Variants in ZNF407 observed in about 807,000 individuals in gnomAD.
ZNF407 encodes the protein zinc finger protein 407.
ZNF407 carries 17 observed loss-of-function variants against 131.2 expected under a neutral mutation model. The observed-to-expected ratio is 0.13, with a 90% CI of 0.09 to 0.19. The LOEUF (loss-of-function observed/expected upper bound fraction) is 0.19. Ranked by LOEUF, ZNF407 falls within the 10% of genes least tolerant of loss-of-function variation. ZNF407 has a pLI of 1.00. For synonymous variants in ZNF407, 1,156 were observed against 1,062.0 expected (o/e 1.09, Z -1.72); for missense variants, 2,681 against 2,830.6 (o/e 0.95, Z 1.20).
intron 3 of ZNF407, among the ~76,000 whole-genome samples, chr18:74,641,937 A>G (rs1257646821): frequency 1.3e-5 from 2 of 152,134 alleles, no homozygotes; most frequent in Admixed American, 6.6e-5. Context: ...TTCATGTGAA[A>G]CCTGAGAAAC....
chr18:74,795,381 C>T (rs957812191), intron 4 of ZNF407, among the ~76,000 whole-genome samples: 1 of 152,164 alleles, frequency 6.6e-6, no homozygotes, highest in Admixed American at 6.5e-5. Context: ...TTCATTTTAA[C>T]TCTACTACAT....
chr18:75,057,595 G>A (rs569418091), intron 8 of ZNF407, among the ~76,000 whole-genome samples: 5 of 152,300 alleles, frequency 3.3e-5, no homozygotes, highest in African/African-American at 1.2e-4. Flanking sequence ...AGGAGCCCAA[G>A]CCTGTGTCCT....
intron 8 of ZNF407, among the ~76,000 whole-genome samples, chr18:75,027,763 G>A (rs1448512129): frequency 6.6e-6 from 1 of 152,196 alleles, no homozygotes; most frequent in Admixed American, 6.5e-5. Flanking sequence ...CAGCACAGGA[G>A]TACGAGAAGG....
intron 4 of ZNF407, among the ~76,000 whole-genome samples, chr18:74,812,327 T>A (rs1451792735): frequency 6.6e-6 from 1 of 152,232 alleles, no homozygotes; most frequent in Non-Finnish European, 1.5e-5. Context: ...ACAAACTACT[T>A]AGCAAATTGC....
Position 74,597,919 on chromosome 18 carries a change from C to A in ZNF407, c.-72C>A, listed in dbSNP as rs1982361163. On this transcript the variant is annotated 5_prime_UTR_variant, in exon 1 of 9. Transcript: ENST00000299687. ...AGTCAGTCAGAGGGGCGAGCAGGAGCGATTCCGTCGCCAAACAGGTAAGTT... is the reference window on the plus strand; with the variant it reads ...AGTCAGTCAGAGGGGCGAGCAGGAGAGATTCCGTCGCCAAACAGGTAAGTT... 2 of 152,566 alleles carry A rather than the reference C, an allele frequency of 1.3e-5. No individual in the cohort carries two copies. Among genetic ancestry groups the A allele is most frequent in the African/African-American group, 4.8e-5 (2 of 41,488 alleles). The allele number at this position is 152,566 out of a possible 1,614,324, so 9.5% of individuals were successfully genotyped here. A position where few individuals can be genotyped will look rare whatever the true frequency, so the allele number is the denominator to read the frequency against.
At chr18:74,878,796 G>A (rs1264507924) in intron 5 of ZNF407, among the ~76,000 whole-genome samples, 2 of 147,654 alleles carry the variant, frequency 1.4e-5, no homozygotes, top group African/African-American at 2.5e-5. Flanking sequence ...CTAAATTCAA[G>A]AAATTTTACA....
intron 8 of ZNF407, among the ~76,000 whole-genome samples, chr18:74,986,845 T>G (rs1972658396): frequency 6.6e-6 from 1 of 152,236 alleles, no homozygotes; most frequent in African/African-American, 2.4e-5. Context: ...TATTCTTCTA[T>G]TTTTTCTCTT....
intron 4 of ZNF407, among the ~76,000 whole-genome samples, chr18:74,851,373 T>A (rs556764185): frequency 1.2e-4 from 19 of 152,238 alleles, no homozygotes; most frequent in Non-Finnish European, 2.6e-4. Flanking sequence ...CAGTATTCCC[T>A]GATATAAAAC....
chr18:74,779,628 A>G (rs1423176395), intron 3 of ZNF407, among the ~76,000 whole-genome samples: 1 of 152,080 alleles, frequency 6.6e-6, no homozygotes, highest in Non-Finnish European at 1.5e-5. Context: ...ATTCAGCACT[A>G]GAGACACTCA....
intron 1 of ZNF407, among the ~76,000 whole-genome samples, chr18:74,600,937 G>T (rs148908420): frequency 2.0e-5 from 3 of 152,188 alleles, no homozygotes; most frequent in Admixed American, 6.5e-5. Flanking sequence ...ATGGTGTAAG[G>T]CTAGGGGACA....
At chr18:74,617,185 CAT>C (rs1983351991) in intron 1 of ZNF407, among the ~76,000 whole-genome samples, 3 of 149,648 alleles carry the variant, frequency 2.0e-5, no homozygotes, top group East Asian at 2.0e-4. Flanking sequence ...TATCCACACA[CAT>C]CGACACACTT....
At chr18:74,702,633 A>G (rs990036880) in intron 3 of ZNF407, among the ~76,000 whole-genome samples, 3 of 152,196 alleles carry the variant, frequency 2.0e-5, no homozygotes, top group African/African-American at 7.2e-5. Context: ...CAGTGCATGT[A>G]AATGAGTTTT....
chr18:75,000,601 G>A (rs538299078), intron 8 of ZNF407, among the ~76,000 whole-genome samples: 1 of 152,184 alleles, frequency 6.6e-6, no homozygotes, highest in South Asian at 2.1e-4. Context: ...GATGGCTAAA[G>A]CAATAACTAT....
intron 3 of ZNF407, among the ~76,000 whole-genome samples, chr18:74,694,672 A>G (rs1967309836): frequency 6.6e-6 from 1 of 152,178 alleles, no homozygotes; most frequent in Non-Finnish European, 1.5e-5. Flanking sequence ...GGATACATTC[A>G]GGGTTGCCAC....
intron 3 of ZNF407, among the ~76,000 whole-genome samples, chr18:74,755,728 C>CCTTTCTTTTTCTTT (rs1555684066): frequency 1.6e-5 from 1 of 63,468 alleles, no homozygotes; most frequent in Admixed American, 2.1e-4. Flanking sequence ...TTCTTTCTTT[C>CCTTTCTTTTTCTTT]CTTTCTTTCT....
intron 3 of ZNF407, among the ~76,000 whole-genome samples, chr18:74,643,720 C>A (rs922206100): frequency 6.6e-6 from 1 of 151,898 alleles, no homozygotes; most frequent in Non-Finnish European, 1.5e-5. Context: ...TTGTAATTTA[C>A]CTCTTTTTCA....
At chr18:74,781,376 T>G in intron 3 of ZNF407, 52 bp from the exon 4 acceptor site, 3 of 1,234,068 alleles carry the variant, frequency 2.4e-6, no homozygotes, top group Non-Finnish European at 3.4e-6. Context: ...TGTACAGATT[T>G]CTAGTGGAGA....
At chr18:74,769,379 G>A (rs11150933) in intron 3 of ZNF407, among the ~76,000 whole-genome samples, 95,006 of 151,516 alleles carry the variant, frequency 0.63, 32,065 homozygotes, top group East Asian at 0.88. Context: ...AGTTGAGGTA[G>A]CTCTAGGCAA....
At chr18:74,886,782 G>T (rs1971316137) in intron 6 of ZNF407, among the ~76,000 whole-genome samples, 2 of 152,148 alleles carry the variant, frequency 1.3e-5, no homozygotes, top group South Asian at 2.1e-4. Flanking sequence ...CTTTTTGGGG[G>T]TGATGGTTGT....
Sources: gnomAD v4.1 joint callset for allele counts (sites outside exome capture counted in the v4.1 genomes callset) on GRCh38, gnomAD v4.1.1 for gene constraint, MANE v1.5 for transcripts, NCBI Gene and HGNC (gene_info 2026-07-23, HGNC 2026-07-21) for gene names.